The following TTC7A variants were observed in gnomAD, a reference collection of about 807,000 sequenced individuals.
The protein encoded by TTC7A is tetratricopeptide repeat protein 7A.
Under a neutral mutation model 103.7 loss-of-function variants are expected in TTC7A, and 110 were observed. The observed-to-expected ratio is 1.06, with a 90% CI of 0.91 to 1.24. TTC7A has a LOEUF of 1.24. Ranked by LOEUF, TTC7A falls within the 50% of genes most tolerant of loss-of-function variation. The pLI, the probability that TTC7A is intolerant of heterozygous loss-of-function variation, is 0.00. For synonymous variants in TTC7A, 521 were observed against 467.9 expected, an observed-to-expected ratio of 1.11 and a Z score of -1.47; for missense variants, 1,340 against 1,116.3, an observed-to-expected ratio of 1.20 and a Z score of -2.86.
chr2:47,006,492 T>C lies in TTC7A; in HGVS notation c.1204-149T>C, dbSNP rs560767436. ...CAGCAAGCCAGGGGCAGGAACTGGG[T>C]TTCGGCAGGGTGTCTCCCAGGAGCC... On this transcript the variant is annotated intron_variant, in intron 9 of 19. Transcript: ENST00000319190. 10 of 700,640 alleles carry C rather than the reference T, an allele frequency of 1.4e-5. No individual in the cohort carries two copies. The Admixed American group carries it at 2.0e-4, about 14-fold the overall frequency. The allele number at this position is 700,640 out of a possible 1,614,324, so 43.4% of individuals were successfully genotyped here. A position where few individuals can be genotyped will look rare whatever the true frequency, so the allele number is the denominator to read the frequency against.
chr2:46,925,309 G>A (rs1413206862), intron 2 of TTC7A, among the ~76,000 whole-genome samples: 1 of 152,118 alleles, frequency 6.6e-6, no homozygotes, highest in East Asian at 1.9e-4. Context: ...TATAATCCCA[G>A]CACTTTGGGA....
intron 8 of TTC7A, among the ~76,000 whole-genome samples, chr2:47,003,330 C>G (rs1316992901): frequency 6.6e-6 from 1 of 152,036 alleles, no homozygotes; most frequent in Non-Finnish European, 1.5e-5. Context: ...CTGACCTCTC[C>G]TGGTGAGATG....
intron 14 of TTC7A, among the ~76,000 whole-genome samples, chr2:47,027,908 G>A (rs772693860): frequency 4.6e-5 from 7 of 152,186 alleles, no homozygotes; most frequent in South Asian, 2.1e-4. Context: ...GGTAACTGCC[G>A]GAATTCTTTT....
At chr2:46,922,416 G>T (rs138852201) in intron 2 of TTC7A, among the ~76,000 whole-genome samples, 10 of 152,234 alleles carry the variant, frequency 6.6e-5, no homozygotes, top group African/African-American at 2.4e-4. Flanking sequence ...GCTTCTATCT[G>T]CCTGCTATAC....
intron 8 of TTC7A, among the ~76,000 whole-genome samples, chr2:47,005,210 G>A (rs1340567565): frequency 6.6e-6 from 1 of 152,066 alleles, no homozygotes; most frequent in Non-Finnish European, 1.5e-5. Flanking sequence ...GAGAGGGTCC[G>A]GGCTGGACAC....
At chr2:47,048,176 C>T (rs1271910563) in intron 16 of TTC7A, among the ~76,000 whole-genome samples, 3 of 152,220 alleles carry the variant, frequency 2.0e-5, no homozygotes, top group Non-Finnish European at 2.9e-5. Context: ...ACCACCCAGC[C>T]TCTAAAATGC....
Position 47,051,872 on chromosome 2 carries a change from T to G in TTC7A, c.2144T>G (p.Leu715Arg), listed in dbSNP as rs775392501. 6.2e-7 allele frequency: 1 copy of G among 1,609,194 alleles called. No individual in the cohort carries two copies. Among genetic ancestry groups the G allele is most frequent in the South Asian group, 1.1e-5 (1 of 90,560 alleles). Residue 715 changes from leucine (L) to arginine (R), a missense_variant, in exon 18 of 20, where the codon CTG (leucine) becomes CGG (arginine). Coordinates refer to ENST00000319190, the MANE Select transcript of TTC7A (RefSeq NM_020458.4). ...QLWTTLEQIW[L>R]QAAELFMEQQ... is the part of the protein sequence containing the mutation. ...TGGACCACGCTGGAACAGATCTGGC[T>G]GCAGGCTGGTGAGTGCCCTGGTCCC... is the stretch of plus-strand genomic sequence containing the variant.
At chr2:47,003,061 G>GA (rs1389637214) in intron 8 of TTC7A, among the ~76,000 whole-genome samples, 1 of 152,122 alleles carries the variant, frequency 6.6e-6, no homozygotes, top group African/African-American at 2.4e-5. Context: ...GCCCGGTTCT[G>GA]AAAATCCACC....
chr2:47,027,316 G>A (rs1227751994), intron 14 of TTC7A, among the ~76,000 whole-genome samples: 3 of 152,278 alleles, frequency 2.0e-5, no homozygotes, highest in Admixed American at 6.5e-5. Flanking sequence ...GGCTGGCCTT[G>A]ACCTGCGACA....
chr2:46,981,362 G>A (rs543266597), intron 5 of TTC7A, among the ~76,000 whole-genome samples: 55 of 152,104 alleles, frequency 3.6e-4, no homozygotes, highest in Non-Finnish European at 6.6e-4. Context: ...AAAGTTGCTC[G>A]ATGTGGGGGT....
At chr2:47,058,106 C>A (rs1330326036) in intron 18 of TTC7A, among the ~76,000 whole-genome samples, 1 of 152,228 alleles carries the variant, frequency 6.6e-6, no homozygotes, top group East Asian at 1.9e-4. Context: ...AGAGCCAAAT[C>A]TCTGACCCCT....
intron 8 of TTC7A, among the ~76,000 whole-genome samples, chr2:47,002,398 T>C (rs549511238): frequency 6.6e-6 from 1 of 152,268 alleles, no homozygotes; most frequent in South Asian, 2.1e-4. Context: ...ATGTATTACT[T>C]TAAGGGTCAC....
chr2:46,938,877 G>T (rs956933941), upstream of TTC7A, among the ~76,000 whole-genome samples: 2 of 152,026 alleles, frequency 1.3e-5, no homozygotes, highest in Non-Finnish European at 2.9e-5. Context: ...TGAGCATGGT[G>T]GTGCACGCCT....
intron 5 of TTC7A, among the ~76,000 whole-genome samples, chr2:46,990,913 G>C (rs1013931577): frequency 6.6e-6 from 1 of 151,852 alleles, no homozygotes; most frequent in Non-Finnish European, 1.5e-5. Context: ...CCCAGGGGTT[G>C]GTTGGTTGGT....
intron 8 of TTC7A, among the ~76,000 whole-genome samples, chr2:47,002,359 G>A (rs1487619965): frequency 2.0e-5 from 3 of 152,216 alleles, no homozygotes; most frequent in African/African-American, 7.2e-5. Flanking sequence ...AGAACAGTGA[G>A]GAAGAGACGG....
At chr2:46,982,407 C>T (rs937361219) in intron 5 of TTC7A, among the ~76,000 whole-genome samples, 2 of 152,038 alleles carry the variant, frequency 1.3e-5, no homozygotes, top group Non-Finnish European at 2.9e-5. Context: ...TGGAAGGGCC[C>T]CTACTGGGAA....
chr2:46,922,341 T>A (rs1396283910), intron 2 of TTC7A, among the ~76,000 whole-genome samples: 1 of 152,194 alleles, frequency 6.6e-6, no homozygotes, highest in Non-Finnish European at 1.5e-5. Context: ...TTAGTGGGGC[T>A]TTGTCTATGG....
At chr2:46,944,422 C>G (rs915102022) in intron 1 of TTC7A, among the ~76,000 whole-genome samples, 2 of 144,252 alleles carry the variant, frequency 1.4e-5, no homozygotes, top group Non-Finnish European at 3.0e-5. Context: ...CTCTTTCACC[C>G]AGACTGGAGT....
chr2:46,976,155 G>T (rs1673856870), intron 4 of TTC7A, among the ~76,000 whole-genome samples: 1 of 152,252 alleles, frequency 6.6e-6, no homozygotes, highest in Non-Finnish European at 1.5e-5. Flanking sequence ...GCCTGCTTTT[G>T]TGTCAGACAC....
Sources: gnomAD v4.1 joint callset for allele counts (sites outside exome capture counted in the v4.1 genomes callset) on GRCh38, gnomAD v4.1.1 for gene constraint, MANE v1.5 for transcripts, NCBI Gene and HGNC (gene_info 2026-07-23, HGNC 2026-07-21) for gene names.